CERS5: variants seen among roughly 807,000 people sequenced by gnomAD.
The protein encoded by CERS5 is ceramide synthase 5.
Under a neutral mutation model 58.9 loss-of-function variants are expected in CERS5, and 37 were observed. The ratio of observed to expected loss-of-function variants is 0.63; its 90% CI spans 0.48 to 0.83. The LOEUF is 0.83. Among genes scored for constraint, CERS5 ranks in the 40% least tolerant of loss-of-function variants. The probability of loss-of-function intolerance (pLI) is 0.00; values close to 1 mark genes in which losing one functional copy is unlikely to be tolerated. For synonymous variants in CERS5, 147 were observed against 177.8 expected (o/e 0.83, Z 1.38); for missense variants, 398 against 489.3 (o/e 0.81, Z 1.76).
intron 5 of CERS5, 107 bp downstream of exon 5, chr12:50,138,460 C>G: frequency 1.1e-6 from 1 of 938,370 alleles, no homozygotes; most frequent in Non-Finnish European, 1.8e-6. Flanking sequence ...CCTAATCCCT[C>G]AATCCCAAGG....
At chr12:50,138,476 C>A in intron 5 of CERS5, 91 bp downstream of exon 5, 1 of 1,030,806 alleles carries the variant, frequency 9.7e-7, no homozygotes, top group Admixed American at 1.7e-5. Context: ...CAAGGAAACG[C>A]ACCATCTGTC....
chr12:50,130,314 TCA>T lies in CERS5; in HGVS notation c.*229_*230del, dbSNP rs1196078109. On this transcript the variant is annotated 3_prime_UTR_variant, in exon 10 of 10. Coordinates refer to ENST00000317551, the MANE Select transcript of CERS5 (RefSeq NM_147190.5). ...ACTCACGCATATGCACAAACGCACA[TCA>T]ACAAACACACAAAAACACACAGAGC... 2.5e-6 allele frequency: 1 copy of T among 396,704 alleles called. No homozygotes were observed. Among genetic ancestry groups the T allele is most frequent in the African/African-American group, 2.0e-5 (1 of 48,792 alleles). The allele number at this position is 396,704 out of a possible 1,614,324, so 24.6% of individuals were successfully genotyped here. A position where few individuals can be genotyped will look rare whatever the true frequency, so the allele number is the denominator to read the frequency against.
intron 1 of CERS5, among the ~76,000 whole-genome samples, chr12:50,148,946 A>ATATATATATATATATATGTG (rs1420401358): frequency 6.8e-5 from 7 of 103,122 alleles, no homozygotes; most frequent in Non-Finnish European, 1.4e-4. Context: ...ATATATATAT[A>ATATATATATATATATATGTG]TGTGTGTGTG....
intron 4 of CERS5, among the ~76,000 whole-genome samples, chr12:50,140,362 C>T (rs1020357744): frequency 2.2e-5 from 3 of 137,306 alleles, no homozygotes; most frequent in African/African-American, 8.4e-5. Context: ...TGGCTCATTG[C>T]AACCTCTGCC....
chr12:50,133,707 T>C (rs1951460256), intron 9 of CERS5: 3 of 985,390 alleles, frequency 3.0e-6, no homozygotes, highest in Non-Finnish European at 3.6e-6. Context: ...CTATCATCCT[T>C]TAACAAAAGC....
intron 1 of CERS5, among the ~76,000 whole-genome samples, chr12:50,162,268 C>T (rs934943734): frequency 1.8e-4 from 25 of 139,710 alleles, no homozygotes; most frequent in Non-Finnish European, 3.5e-4. Context: ...AATACTAGAA[C>T]AAGAGGTTAA....
intron 1 of CERS5, among the ~76,000 whole-genome samples, chr12:50,160,266 C>A (rs1434878584): frequency 1.4e-5 from 2 of 144,030 alleles, no homozygotes; most frequent in African/African-American, 5.1e-5. Flanking sequence ...GATTGTGCCA[C>A]TGCACTCTAG....
intron 1 of CERS5, among the ~76,000 whole-genome samples, chr12:50,161,784 G>GAA (rs374177550): frequency 0.02 from 1,815 of 90,888 alleles, 148 homozygotes; most frequent in African/African-American, 0.079. Context: ...CTCAAAAAAA[G>GAA]AAAAAAAAAA....
intron 8 of CERS5, chr12:50,135,280 AGAG>A (rs1184382597): frequency 6.6e-5 from 15 of 226,116 alleles, no homozygotes; most frequent in African/African-American, 4.1e-4. Flanking sequence ...GGAGGGAGAG[AGAG>A]GAGAGGGAGG....
intron 1 of CERS5, among the ~76,000 whole-genome samples, chr12:50,157,026 G>T (rs941843894): frequency 2.0e-5 from 3 of 152,222 alleles, no homozygotes; most frequent in Non-Finnish European, 4.4e-5. Context: ...GAAAGGCAGA[G>T]CCACCCTTAA....
intron 8 of CERS5, 80 bp downstream of exon 8, chr12:50,135,652 A>T (rs999910025): frequency 9.6e-7 from 1 of 1,042,908 alleles, no homozygotes; most frequent in Admixed American, 1.7e-5. Flanking sequence ...GAACAGAAAA[A>T]CTGAATGGGC....
At chr12:50,154,293 C>A in intron 1 of CERS5, 1 of 323,184 alleles carries the variant, frequency 3.1e-6, no homozygotes, top group South Asian at 2.3e-5. Context: ...TCGAAGGTTG[C>A]AGTGAGATCG....
intron 1 of CERS5, chr12:50,166,056 C>T (rs1939843056): frequency 4.9e-6 from 2 of 406,620 alleles, no homozygotes; most frequent in South Asian, 1.8e-5. Flanking sequence ...GGTGCGGTGG[C>T]TCACGCCTGT....
Position 50,134,658 on chromosome 12 carries a change from G to A in CERS5, c.917C>T (p.Pro306Leu). The change falls in exon 9 of 10, where the codon CCT becomes CTT. Residue 306 changes from proline to leucine, a missense_variant. Physicochemically the swap from Pro to Leu is moderately conservative, Grantham distance 98. Around this residue, in one of 3 missense-constraint regions of CERS5, gnomAD observed 328 missense variants for 384.5 expected, o/e 0.85. Coordinates refer to ENST00000317551, the MANE Select transcript of CERS5 (RefSeq NM_147190.5). Reference protein sequence around the residue: ...TLFESWEIIGPYASWWLLNGL... With the variant: ...TLFESWEIIGLYASWWLLNGL... ...ATTGAGGAGCCACCATGAAGCATAA[G>A]GCCCGATTATCTCCCAACTCTCAAA... The A allele has an allele frequency of 6.2e-7, 1 of 1,614,136 alleles. No individual in the cohort carries two copies. Among genetic ancestry groups the A allele is most frequent in the Non-Finnish European group, 8.5e-7 (1 of 1,180,036 alleles).
At chr12:50,159,278 G>A (rs1339825926) in intron 1 of CERS5, among the ~76,000 whole-genome samples, 6 of 152,028 alleles carry the variant, frequency 3.9e-5, no homozygotes, top group Non-Finnish European at 5.9e-5. Context: ...CCGAGATCCC[G>A]CCACTGCACT....
intron 1 of CERS5, among the ~76,000 whole-genome samples, chr12:50,153,424 C>T (rs2138193836): frequency 6.6e-6 from 1 of 151,578 alleles, no homozygotes; most frequent in South Asian, 2.1e-4. Context: ...GGACTAGAGG[C>T]ATGCACCACC....
At position 50,141,359 on chromosome 12, in the gene CERS5, ATTC is replaced by A. The variant is rs372433638; in HGVS notation, c.492+691_492+693del. 7.2e-4 allele frequency among the ~76,000 whole-genome samples: 109 copies of A among 152,150 alleles called. No homozygotes were observed. In the East Asian group the frequency reaches 0.02, roughly 27 times the overall value. The stretch of plus-strand genomic sequence containing the variant: ...GAGCCACTGTGCCTGGCCCCCTGAA[ATTC>A]TTCTTTGATTCTGACAATTAACTAA... On this transcript the variant is annotated intron_variant, in intron 4 of 9. Coordinates refer to ENST00000317551, the MANE Select transcript of CERS5 (RefSeq NM_147190.5).
intron 1 of CERS5, among the ~76,000 whole-genome samples, chr12:50,150,737 T>C (rs1937872974): frequency 6.6e-6 from 1 of 152,100 alleles, no homozygotes; most frequent in South Asian, 2.1e-4. Flanking sequence ...GACTTCAGTA[T>C]CTACTACATT....
At chr12:50,144,078 G>A (rs1309162216) in intron 1 of CERS5, 21 bp from the exon 2 acceptor site, 9 of 1,419,470 alleles carry the variant, frequency 6.3e-6, no homozygotes, top group Non-Finnish European at 8.9e-6. Flanking sequence ...GAAAACCCAC[G>A]GGCCAATTCT....
Sources: gnomAD v4.1 joint callset for allele counts (sites outside exome capture counted in the v4.1 genomes callset) on GRCh38, gnomAD v4.1.1 for gene constraint, gnomAD v4.1.1 regional missense constraint, MANE v1.5 for transcripts, NCBI Gene and HGNC (gene_info 2026-07-23, HGNC 2026-07-21) for gene names.